The following LNX1 variants were observed in gnomAD, a reference collection of about 807,000 sequenced individuals.
LNX1 encodes the protein ligand of numb-protein X 1.
LNX1 carries 54 observed loss-of-function variants against 68.4 expected under a neutral mutation model. That is an observed-to-expected ratio of 0.79 (90% CI 0.63 to 0.99). LNX1 has a LOEUF of 0.99. LNX1 is among the 50% of genes least tolerant of loss of function. The probability of loss-of-function intolerance (pLI) is 0.00; values close to 1 mark genes in which losing one functional copy is unlikely to be tolerated. For synonymous variants in LNX1, 336 were observed against 350.0 expected (o/e 0.96, Z 0.45); for missense variants, 906 against 926.4 (o/e 0.98, Z 0.29).
intron 9 of LNX1, among the ~76,000 whole-genome samples, chr4:53,469,703 C>T (rs1416367710): frequency 4.6e-5 from 7 of 152,142 alleles, no homozygotes; most frequent in Non-Finnish European, 5.9e-5. Context: ...TCAGAGAATA[C>T]TATAAACACC....
upstream of LNX1, among the ~76,000 whole-genome samples, chr4:53,619,516 C>T (rs1383224920): frequency 6.6e-6 from 1 of 152,102 alleles, no homozygotes; most frequent in Admixed American, 6.6e-5. Flanking sequence ...TTGGGTCATG[C>T]TTATCCATGT....
intron 6 of LNX1, among the ~76,000 whole-genome samples, chr4:53,490,613 C>T (rs1336309461): frequency 6.6e-6 from 1 of 152,040 alleles, no homozygotes; most frequent in Non-Finnish European, 1.5e-5. Flanking sequence ...TGAAGTAATG[C>T]AGAAAAAAAG....
At chr4:53,540,505 A>G (rs1280023286) in intron 2 of LNX1, among the ~76,000 whole-genome samples, 1 of 151,566 alleles carries the variant, frequency 6.6e-6, no homozygotes, top group East Asian at 1.9e-4. Flanking sequence ...ACATGGTGAA[A>G]CCCCGTCTCT....
chr4:53,459,570 GTTAAC>G lies in LNX1; in HGVS notation c.*1332_*1336del. 7.0e-7 allele frequency: 1 copy of G among 1,421,378 alleles called. No homozygotes were observed. The highest frequency in any genetic ancestry group is 9.7e-7 in the Non-Finnish European group (1 of 1,032,544). 88.0% of individuals were successfully genotyped at this position (1,421,378 alleles called of 1,614,324 possible). Reference sequence around the variant, plus strand: ...CTTGTTCTGTTTGTTAGTATGAAAAGTTAACTTTTTTTCCAAAATAAAAGAGTGAA... The same window carrying G: ...CTTGTTCTGTTTGTTAGTATGAAAAGTTTTTTTCCAAAATAAAAGAGTGAA... On this transcript the variant is annotated 3_prime_UTR_variant, in exon 11 of 11. Coordinates refer to ENST00000263925, the MANE Select transcript of LNX1 (RefSeq NM_001126328.3).
Position 53,461,542 on chromosome 4 carries a change from ACTTCCAGCTGTGT to A in LNX1, c.1931_1943del (p.Asn644IlefsTer7), listed in dbSNP as rs1560604992. 1 of 1,612,128 alleles carries A rather than the reference ACTTCCAGCTGTGT, an allele frequency of 6.2e-7. No individual in the cohort carries two copies. ...AACCTCCTACAATGCAGAAGCCCAG[ACTTCCAGCTGTGT>A]TTCTTCGTAATACAATATCTTTACA... On this transcript the variant is annotated frameshift_variant, in exon 10 of 11. Transcript: ENST00000263925. LOFTEE classifies it high-confidence loss of function.
intron 1 of LNX1, among the ~76,000 whole-genome samples, chr4:53,628,303 A>G (rs1734149647): frequency 6.6e-6 from 1 of 152,250 alleles, no homozygotes; most frequent in South Asian, 2.1e-4. Context: ...TAGCAATACA[A>G]AACAATCCCA....
intron 2 of LNX1, among the ~76,000 whole-genome samples, chr4:53,614,034 T>C (rs2109851620): frequency 6.6e-6 from 1 of 152,310 alleles, no homozygotes; most frequent in East Asian, 1.9e-4. Context: ...TGGTATCTTA[T>C]TGTGGTTTTG....
At chr4:53,492,079 G>T (rs537451825) in intron 6 of LNX1, among the ~76,000 whole-genome samples, 1 of 152,122 alleles carries the variant, frequency 6.6e-6, no homozygotes, top group Non-Finnish European at 1.5e-5. Context: ...GAGCCACTGC[G>T]CTTGGCTGAG....
In LNX1 at chr4:53,570,727, C is replaced by CA. The variant is rs1393576624; in HGVS notation, c.380+2895dup. The stretch of plus-strand genomic sequence containing the variant: ...AAAATATTTACATCTTGCATATTTT[C>CA]AAAAAAAAAGAATCTTTTGGCTGGG... On this transcript the variant is annotated intron_variant, in intron 2 of 10. Transcript: ENST00000263925. Among the ~76,000 whole-genome samples, 35 of 149,010 alleles carry CA rather than the reference C, an allele frequency of 2.3e-4. No homozygotes were observed. In the South Asian group the frequency reaches 3.8e-3, roughly 16 times the overall value.
chr4:53,574,091 A>G lies in LNX1; in HGVS notation c.-86-3T>C. On this transcript the variant is annotated splice_region_variant and splice_polypyrimidine_tract_variant and intron_variant, in intron 1 of 10. Coordinates refer to ENST00000263925, the MANE Select transcript of LNX1 (RefSeq NM_001126328.3). ...AGATCTAGGAGACATCCACACACCTAAAAAAGAACAAGAAGGCTCACCTTT... is the reference window on the plus strand; with the variant it reads ...AGATCTAGGAGACATCCACACACCTGAAAAAGAACAAGAAGGCTCACCTTT... 1 of 1,492,620 alleles carries G rather than the reference A, an allele frequency of 6.7e-7. No homozygotes were observed. 92.5% of individuals were successfully genotyped at this position (1,492,620 alleles called of 1,614,324 possible).
Position 53,508,144 on chromosome 4 carries a change from A to C in LNX1, c.464T>G (p.Leu155Arg). 6.2e-7 allele frequency: 1 copy of C among 1,614,088 alleles called. No homozygotes were observed. Among genetic ancestry groups the C allele is most frequent in the Non-Finnish European group, 8.5e-7 (1 of 1,179,984 alleles). Residue 155 changes from leucine to arginine, a missense_variant, in exon 3 of 11, where the codon CTC becomes CGC. Physicochemically the swap from Leu to Arg is moderately radical, Grantham distance 102. Coordinates refer to ENST00000263925, the MANE Select transcript of LNX1 (RefSeq NM_001126328.3). Reference protein sequence around the residue: ...QDGCPDGCASLTATAPSPEVS... With the variant: ...QDGCPDGCASRTATAPSPEVS... ...CTCTGGGGAGGGAGCCGTGGCTGTGAGGCTCGCACAGCCGTCTGGACAGCC... is the reference window on the plus strand; with the variant it reads ...CTCTGGGGAGGGAGCCGTGGCTGTGCGGCTCGCACAGCCGTCTGGACAGCC...
intron 4 of LNX1, among the ~76,000 whole-genome samples, chr4:53,505,547 T>C (rs1226046358): frequency 6.6e-6 from 1 of 152,142 alleles, no homozygotes; most frequent in African/African-American, 2.4e-5. Context: ...CCACCACGTC[T>C]GGCCCAAGTA....
rs549714432 is a variant in LNX1 at position 53,470,334 on chromosome 4, G to A, written c.1892+6419C>T. 7.9e-5 allele frequency among the ~76,000 whole-genome samples: 12 copies of A among 152,222 alleles called. No individual in the cohort carries two copies. In the East Asian group the frequency reaches 2.1e-3, roughly 27 times the overall value. The stretch of plus-strand genomic sequence containing the variant: ...TCAATAAATTAGGTATTGATGGGAC[G>A]TATCTCAAAATAATAAGAGCTATCT... On this transcript the variant is annotated intron_variant, in intron 9 of 10. Transcript: ENST00000263925.
At chr4:53,566,779 G>A (rs1383948270) in intron 2 of LNX1, among the ~76,000 whole-genome samples, 170 of 149,938 alleles carry the variant, frequency 1.1e-3, no homozygotes, top group African/African-American at 4.1e-3. Context: ...ACACACATAG[G>A]CTCAAAATAA....
At position 53,599,503 on chromosome 4, in the gene LNX1, C is replaced by T. The variant is rs149136676; in HGVS notation, c.-214-7988G>A. On this transcript the variant is annotated intron_variant, in intron 2 of 3. Transcript: ENST00000504299. The stretch of plus-strand genomic sequence containing the variant: ...GCAACCAGCAGCCCTTGGGCCTGCT[C>T]TGTCTATGGAGTAGCCGTTCTTTTA... Among the ~76,000 whole-genome samples the T allele has an allele frequency of 5.2e-3, 789 of 152,358 alleles. 8 individuals are homozygous for T. The highest frequency in any genetic ancestry group is 0.018 in the African/African-American group (751 of 41,582).
intron 2 of LNX1, among the ~76,000 whole-genome samples, chr4:53,515,143 G>A (rs1024460202): frequency 6.6e-6 from 1 of 152,134 alleles, no homozygotes; most frequent in Admixed American, 6.6e-5. Flanking sequence ...ATATGTAGGA[G>A]CTCTCTCTCC....
chr4:53,559,409 A>G (rs1001176440), intron 2 of LNX1, among the ~76,000 whole-genome samples: 3 of 152,200 alleles, frequency 2.0e-5, no homozygotes, highest in Non-Finnish European at 4.4e-5. Flanking sequence ...AGTAGAAAGA[A>G]GTTAGGTTTG....
chr4:53,564,424 C>T (rs969691745), intron 2 of LNX1, among the ~76,000 whole-genome samples: 1 of 152,182 alleles, frequency 6.6e-6, no homozygotes, highest in African/African-American at 2.4e-5. Flanking sequence ...CCCAAACAGT[C>T]CTGGATGAGG....
intron 2 of LNX1, among the ~76,000 whole-genome samples, chr4:53,566,490 T>C (rs1405962557): frequency 6.6e-6 from 1 of 150,662 alleles, no homozygotes; most frequent in Non-Finnish European, 1.5e-5. Flanking sequence ...AAAGAGCTCC[T>C]GAAGGAAGCG....
Sources: allele counts gnomAD v4.1 joint callset (sites outside exome capture counted in the v4.1 genomes callset), GRCh38; gene constraint gnomAD v4.1.1; transcripts MANE v1.5; gene names NCBI Gene and HGNC (gene_info 2026-07-23, HGNC 2026-07-21).